The following SLCO1C1 variants were observed in gnomAD, a reference collection of about 807,000 sequenced individuals.
SLCO1C1 encodes the protein OAT-RP-5.
Under a neutral mutation model 76.4 loss-of-function variants are expected in SLCO1C1, and 70 were observed. The observed-to-expected ratio is 0.92, with a 90% confidence interval of 0.76 to 1.12. The LOEUF (loss-of-function observed/expected upper bound fraction) is 1.12. Ranked by LOEUF, SLCO1C1 falls within the 50% of genes most tolerant of loss-of-function variation. The probability of loss-of-function intolerance (pLI) is 0.00; values close to 1 mark genes in which losing one functional copy is unlikely to be tolerated. For missense variants in SLCO1C1, 912 were observed against 823.8 expected, an observed-to-expected ratio of 1.11 and a Z score of -1.31; for synonymous variants, 306 against 286.1, an observed-to-expected ratio of 1.07 and a Z score of -0.70.
intron 9 of SLCO1C1, among the ~76,000 whole-genome samples, chr12:20,727,398 C>T (rs1401510362): frequency 6.6e-6 from 1 of 152,178 alleles, no homozygotes; most frequent in Admixed American, 6.5e-5. Flanking sequence ...GCCATTTTGA[C>T]TGGTGTGAGA....
chr12:20,736,045 C>T (rs957560439), intron 10 of SLCO1C1, among the ~76,000 whole-genome samples: 2 of 151,498 alleles, frequency 1.3e-5, no homozygotes, highest in Non-Finnish European at 2.9e-5. Flanking sequence ...AAATAAGGAG[C>T]AGAAAAAATG....
intron 13 of SLCO1C1, among the ~76,000 whole-genome samples, chr12:20,749,639 G>A (rs1219304370): frequency 6.6e-6 from 1 of 152,168 alleles, no homozygotes; most frequent in Admixed American, 6.5e-5. Context: ...GTTAATATTT[G>A]CACATGAGAG....
In SLCO1C1 at chr12:20,701,332, C is replaced by T; in HGVS notation, c.144C>T (p.Ala48=). ...ATATTTTCCAGGTGTTCTTGTGTGC[C>T]TTGTCTTTTGTTTACTTTGCCAAAG... is the stretch of plus-strand genomic sequence containing the variant. ...CCGELKVFLC[A]LSFVYFAKAL... The change falls in exon 3 of 15, where the codon GCC becomes GCT. Residue 48 remains alanine, a synonymous_variant. Coordinates refer to ENST00000266509, the MANE Select transcript of SLCO1C1 (RefSeq NM_017435.5). The T allele has an allele frequency of 1.3e-6, 2 of 1,530,176 alleles. No individual in the cohort carries two copies. Among genetic ancestry groups the T allele is most frequent in the Non-Finnish European group, 1.8e-6 (2 of 1,122,482 alleles). 94.8% of individuals were successfully genotyped at this position (1,530,176 alleles called of 1,614,324 possible). A position where few individuals can be genotyped will look rare whatever the true frequency, so the allele number is the denominator to read the frequency against.
chr12:20,736,336 T>G (rs199881420), intron 10 of SLCO1C1, among the ~76,000 whole-genome samples: 5 of 144,846 alleles, frequency 3.5e-5, no homozygotes, highest in Non-Finnish European at 7.6e-5. Flanking sequence ...AAACCAATTT[T>G]GGGGGGGGGT....
chr12:20,745,840 A>G (rs536887130), intron 13 of SLCO1C1, among the ~76,000 whole-genome samples: 2 of 152,214 alleles, frequency 1.3e-5, no homozygotes, highest in East Asian at 1.9e-4. Context: ...AAAAGAAAAA[A>G]AAAAAGAAAT....
chr12:20,734,576 G>A (rs1478367550), intron 10 of SLCO1C1, among the ~76,000 whole-genome samples: 1 of 152,058 alleles, frequency 6.6e-6, no homozygotes, highest in Non-Finnish European at 1.5e-5. Flanking sequence ...TGTTATCCTT[G>A]TTTAAAAGAA....
At chr12:20,698,715 AT>A (rs1421223299) in intron 1 of SLCO1C1, among the ~76,000 whole-genome samples, 1 of 152,010 alleles carries the variant, frequency 6.6e-6, no homozygotes, top group Non-Finnish European at 1.5e-5. Context: ...GGGTCATCTG[AT>A]AATATTAGGG....
chr12:20,733,147 A>T, intron 10 of SLCO1C1, 43 bp downstream of exon 10: 1 of 1,465,168 alleles, frequency 6.8e-7, no homozygotes, highest in Non-Finnish European at 9.1e-7. Flanking sequence ...TGGTTTGTTT[A>T]ATTAAATCAA....
At chr12:20,724,426 TATATATA>T (rs1947842812) in intron 9 of SLCO1C1, among the ~76,000 whole-genome samples, 2 of 104,676 alleles carry the variant, frequency 1.9e-5, no homozygotes, top group Admixed American at 9.3e-5. Flanking sequence ...TATATATATA[TATATATA>T]TATATATATA....
At chr12:20,709,256 T>A (rs1043232255) in intron 4 of SLCO1C1, among the ~76,000 whole-genome samples, 1 of 152,194 alleles carries the variant, frequency 6.6e-6, no homozygotes. Flanking sequence ...ACAGACCACA[T>A]CCATAGCTCT....
At chr12:20,711,332 T>G in intron 4 of SLCO1C1, 54 bp from the exon 5 acceptor site, 1 of 1,568,476 alleles carries the variant, frequency 6.4e-7, no homozygotes, top group Middle Eastern at 1.7e-4. Flanking sequence ...ACACATAATA[T>G]TCTTAGTATG....
intron 3 of SLCO1C1, among the ~76,000 whole-genome samples, chr12:20,705,042 T>G (rs1212018965): frequency 6.6e-6 from 1 of 151,948 alleles, no homozygotes; most frequent in African/African-American, 2.4e-5. Context: ...CGTTTGGTAC[T>G]TGCCAAGAAT....
At chr12:20,742,373 A>G (rs1948856523) in intron 12 of SLCO1C1, among the ~76,000 whole-genome samples, 1 of 151,588 alleles carries the variant, frequency 6.6e-6, no homozygotes, top group Non-Finnish European at 1.5e-5. Flanking sequence ...AGACTAAATG[A>G]TATAATATGT....
chr12:20,740,407 A>G (rs1364347721), intron 12 of SLCO1C1, 39 bp downstream of exon 12: 4 of 1,551,390 alleles, frequency 2.6e-6, no homozygotes, highest in Non-Finnish European at 3.5e-6. Flanking sequence ...TTAACACAAG[A>G]CACAATCATC....
rs1384205854 is a variant in SLCO1C1, at chr12:20,716,426, A to G, written c.677-706A>G. On this transcript the variant is annotated intron_variant, in intron 6 of 14. Coordinates refer to ENST00000266509, the MANE Select transcript of SLCO1C1 (RefSeq NM_017435.5). ...TCTGGTAACTGCTGTTTACTCTTCC[A>G]GTTAACTTAATCTCCCATGAATATG... Among the ~76,000 whole-genome samples the G allele has an allele frequency of 2.6e-5, 4 of 152,264 alleles. 1 individual carries two copies. The East Asian group carries it at 7.7e-4, about 29-fold the overall frequency.
At chr12:20,747,195 CG>C (rs1949085456) in intron 13 of SLCO1C1, among the ~76,000 whole-genome samples, 1 of 152,074 alleles carries the variant, frequency 6.6e-6, no homozygotes, top group South Asian at 2.1e-4. Context: ...GAGGCTGAGG[CG>C]GGTGGATATC....
intron 3 of SLCO1C1, among the ~76,000 whole-genome samples, chr12:20,705,076 T>G (rs1343900015): frequency 6.6e-6 from 1 of 151,988 alleles, no homozygotes. Context: ...AGTTTTCATT[T>G]CCTTAACCGT....
In SLCO1C1 at chr12:20,710,223, T is replaced by TTTTC. The variant is rs1555122286; in HGVS notation, c.405-1161_405-1160insTCTT. Among the ~76,000 whole-genome samples the TTTTC allele has an allele frequency of 1.9e-4, 25 of 133,844 alleles. 1 individual carries two copies. Among genetic ancestry groups the TTTTC allele is most frequent in the Non-Finnish European group, 3.5e-4 (22 of 62,716 alleles). 87.8% of individuals were successfully genotyped at this position (133,844 alleles called of 152,430 possible). A position where few individuals can be genotyped will look rare whatever the true frequency, so the allele number is the denominator to read the frequency against. On this transcript the variant is annotated intron_variant, in intron 4 of 14. Coordinates refer to ENST00000266509, the MANE Select transcript of SLCO1C1 (RefSeq NM_017435.5). ...TTCTTTTTTTTTTTTTTTTTTTTTT[T>TTTTC]TTGAGATGGAGTCTCGCTCTGTCGC...
At chr12:20,713,083 C>CTTTTCTTT (rs1947196012) in intron 5 of SLCO1C1, among the ~76,000 whole-genome samples, 1 of 142,596 alleles carries the variant, frequency 7.0e-6, no homozygotes, top group Non-Finnish European at 1.5e-5. Flanking sequence ...AAGATGTTTT[C>CTTTTCTTT]TTTTTTTTTT....
Sources: gnomAD v4.1 joint callset for allele counts (sites outside exome capture counted in the v4.1 genomes callset) on GRCh38, gnomAD v4.1.1 for gene constraint, MANE v1.5 for transcripts, NCBI Gene and HGNC (gene_info 2026-07-23, HGNC 2026-07-21) for gene names.